Variants in ECT2 observed in about 807,000 individuals in gnomAD.
ECT2 encodes epithelial cell transforming 2, also known as protein ECT2.
Under a neutral mutation model 116.9 loss-of-function variants are expected in ECT2, and 61 were observed. The ratio of observed to expected loss-of-function variants is 0.52; its 90% CI spans 0.42 to 0.65. The LOEUF (loss-of-function observed/expected upper bound fraction) is 0.65. Among genes scored for constraint, ECT2 ranks in the 30% least tolerant of loss-of-function variants. The pLI is 0.00. For missense variants in ECT2, 937 were observed against 1,078.7 expected (o/e 0.87, Z 1.84); for synonymous variants, 358 against 346.4 (o/e 1.03, Z -0.37).
chr3:172,828,856 C>A, the ECT2 span: 2 of 1,066,660 alleles, frequency 1.9e-6, no homozygotes. Flanking sequence ...GCCTGAGAGA[C>A]GAGTGCCTGA....
intron 18 of ECT2, among the ~76,000 whole-genome samples, chr3:172,792,249 C>T (rs899680777): frequency 2.6e-5 from 4 of 152,102 alleles, no homozygotes; most frequent in African/African-American, 4.8e-5. Flanking sequence ...GATAGAGACA[C>T]GAAGTAAGCA....
chr3:172,799,800 A>G (rs1247686268), intron 18 of ECT2, among the ~76,000 whole-genome samples: 1 of 152,182 alleles, frequency 6.6e-6, no homozygotes, highest in African/African-American at 2.4e-5. Flanking sequence ...TTTTTGTGTT[A>G]TGATTTTTAA....
At chr3:172,808,390 A>AT (rs1728152477) in intron 22 of ECT2, among the ~76,000 whole-genome samples, 1 of 152,006 alleles carries the variant, frequency 6.6e-6, no homozygotes, top group Non-Finnish European at 1.5e-5. Context: ...AAAAAAAAAA[A>AT]TCTTATTGAA....
intron 20 of ECT2, among the ~76,000 whole-genome samples, chr3:172,805,357 T>A (rs1430344227): frequency 6.6e-6 from 1 of 152,192 alleles, no homozygotes; most frequent in Admixed American, 6.5e-5. Flanking sequence ...TTAAAATCAT[T>A]TAATTGTTTT....
intron 15 of ECT2, among the ~76,000 whole-genome samples, chr3:172,782,850 T>C (rs146284635): frequency 1.3e-5 from 2 of 152,136 alleles, no homozygotes; most frequent in Admixed American, 1.3e-4. Context: ...TCCATCTATG[T>C]TCCTGCAAAG....
At chr3:172,773,624 A>G (rs1721069552) in intron 13 of ECT2, among the ~76,000 whole-genome samples, 1 of 152,206 alleles carries the variant, frequency 6.6e-6, no homozygotes, top group Admixed American at 6.5e-5. Context: ...CTTGTATCAT[A>G]CTAACAATTT....
chr3:172,806,300 A>T (rs541694348), intron 21 of ECT2, among the ~76,000 whole-genome samples: 23 of 152,288 alleles, frequency 1.5e-4, no homozygotes, highest in Admixed American at 1.2e-3. Flanking sequence ...CGGGTCAGGA[A>T]TAGATGTGGG....
intron 5 of ECT2, among the ~76,000 whole-genome samples, chr3:172,758,288 AT>A (rs1292006213): frequency 6.6e-6 from 1 of 152,144 alleles, no homozygotes; most frequent in African/African-American, 2.4e-5. Context: ...TTGTACTTCT[AT>A]TGTTACACAT....
chr3:172,821,785 C>T (rs1730702787), downstream of ECT2, among the ~76,000 whole-genome samples: 2 of 151,586 alleles, frequency 1.3e-5, no homozygotes, highest in African/African-American at 4.8e-5. Flanking sequence ...TGTTATTTTC[C>T]CCCAAAAGAG....
rs1006940297 is a variant in ECT2, at chr3:172,750,864, A to C, written c.-23+7A>C. The stretch of plus-strand genomic sequence containing the variant: ...TAGGGCTTTTTTGAGAGTGGTAAGG[A>C]CTCTGTGTGAGTGAGAGAGGTGCAA... On this transcript the variant is annotated splice_region_variant and intron_variant, in intron 1 of 24. Coordinates refer to ENST00000392692, the MANE Select transcript of ECT2 (RefSeq NM_001258315.2). 1.3e-5 allele frequency: 2 copies of C among 152,780 alleles called. No homozygotes were observed. The highest frequency in any genetic ancestry group is 6.8e-3 in the Middle Eastern group (2 of 294). The allele number at this position is 152,780 out of a possible 1,614,324, so 9.5% of individuals were successfully genotyped here.
chr3:172,802,682 AG>A lies in ECT2; in HGVS notation c.1975del (p.Asp659MetfsTer14), dbSNP rs750863426. The stretch of plus-strand genomic sequence containing the variant: ...AAATTTTTGATGTTGTTTATGAAGT[AG>A]ATGGATGCCCAGTAAGTATTCTTCT... ...KQIFDVVYEV[D>X]GCPANLLSSH... On this transcript the variant is annotated frameshift_variant, in exon 19 of 25. Coordinates refer to ENST00000392692, the MANE Select transcript of ECT2 (RefSeq NM_001258315.2). LOFTEE classifies it high-confidence loss of function. 6.2e-7 allele frequency: 1 copy of A among 1,602,092 alleles called. No individual in the cohort carries two copies. The highest frequency in any genetic ancestry group is 1.1e-5 in the South Asian group (1 of 88,132).
intron 18 of ECT2, among the ~76,000 whole-genome samples, chr3:172,801,665 G>A (rs1328991102): frequency 6.6e-6 from 1 of 152,176 alleles, no homozygotes; most frequent in Non-Finnish European, 1.5e-5. Context: ...CTTCTCTTAG[G>A]GATATAGCTA....
At chr3:172,826,050 C>T (rs973506947), downstream of ECT2, among the ~76,000 whole-genome samples, 9 of 152,150 alleles carry the variant, frequency 5.9e-5, no homozygotes, top group South Asian at 8.3e-4. Flanking sequence ...CGCCCCGCCA[C>T]GCCCTGCTAA....
At chr3:172,757,412 G>C (rs1422306632) in intron 5 of ECT2, among the ~76,000 whole-genome samples, 6 of 133,332 alleles carry the variant, frequency 4.5e-5, no homozygotes, top group African/African-American at 1.6e-4. Context: ...CAAATACATA[G>C]TCCTTTTTTT....
intron 15 of ECT2, among the ~76,000 whole-genome samples, chr3:172,783,059 A>T (rs1723000907): frequency 2.0e-5 from 3 of 152,006 alleles, no homozygotes; most frequent in African/African-American, 7.2e-5. Flanking sequence ...TTTTGCTGTC[A>T]TGTCTGTTTC....
intron 16 of ECT2, among the ~76,000 whole-genome samples, chr3:172,784,216 AGG>A (rs1171690193): frequency 1.3e-5 from 2 of 151,884 alleles, no homozygotes; most frequent in East Asian, 3.9e-4. Context: ...GAGACTGATG[AGG>A]GAGGATTGCT....
At chr3:172,785,053 C>A (rs1723369106) in intron 17 of ECT2, among the ~76,000 whole-genome samples, 1 of 152,044 alleles carries the variant, frequency 6.6e-6, no homozygotes, top group South Asian at 2.1e-4. Context: ...CTTAATATTT[C>A]ATGGTGTGTC....
In ECT2 at chr3:172,803,104, T is replaced by A. The variant is rs571209973; in HGVS notation, c.2106+124T>A. ...TAAATAAACTCAAGTAATCTTTTTT[T>A]AAAAAAATCGAGGACAATTTATGAT... On this transcript the variant is annotated intron_variant, in intron 20 of 24. Coordinates refer to ENST00000392692, the MANE Select transcript of ECT2 (RefSeq NM_001258315.2). 85 of 927,140 alleles carry A rather than the reference T, an allele frequency of 9.2e-5. No homozygotes were observed. In the African/African-American group the frequency reaches 1.2e-3, roughly 13 times the overall value. 57.4% of individuals were successfully genotyped at this position (927,140 alleles called of 1,614,324 possible).
the ECT2 span, among the ~76,000 whole-genome samples, chr3:172,827,979 T>C: frequency 2.6e-5 from 4 of 152,208 alleles, no homozygotes; most frequent in Non-Finnish European, 5.9e-5. Flanking sequence ...AATACTCTTA[T>C]TATTCAAAGA....
Sources: allele counts gnomAD v4.1 joint callset (sites outside exome capture counted in the v4.1 genomes callset), GRCh38; gene constraint gnomAD v4.1.1; transcripts MANE v1.5; gene names NCBI Gene and HGNC (gene_info 2026-07-23, HGNC 2026-07-21).